Variants in LOXL2 observed in about 807,000 individuals in gnomAD.
LOXL2 encodes lysyl oxidase homolog 2.
In LOXL2, 70 loss-of-function variants were observed where a neutral mutation model predicts 93.0. The ratio of observed to expected loss-of-function variants is 0.75; its 90% CI spans 0.62 to 0.92. The LOEUF is 0.92. Ranked by LOEUF, LOXL2 falls within the 40% of genes least tolerant of loss-of-function variation. The pLI, the probability that LOXL2 is intolerant of heterozygous loss-of-function variation, is 0.00. For missense variants in LOXL2, 973 were observed against 1,054.9 expected (o/e 0.92, Z 1.08); for synonymous variants, 438 against 413.2 (o/e 1.06, Z -0.73).
At position 23,328,479 on chromosome 8, in the gene LOXL2, G is replaced by C; in HGVS notation, c.1053C>G (p.Cys351Trp). The C allele has an allele frequency of 6.2e-7, 1 of 1,614,062 alleles. No homozygotes were observed. The highest frequency in any genetic ancestry group is 1.7e-5 in the Admixed American group (1 of 60,018). Residue 351 changes from cysteine (C) to tryptophan (W), a missense_variant, in exon 6 of 14, where the codon TGC becomes TGG. Transcript: ENST00000389131. ...VLKNGEWGTV[C>W]DDKWDLVSAS... ...CCGACACCAGGTCCCACTTGTCGTC[G>C]CAGACGGTCCCCCATTCTCCATTTT...
At chr8:23,359,532 C>T (rs886332903) in intron 3 of LOXL2, among the ~76,000 whole-genome samples, 13 of 152,250 alleles carry the variant, frequency 8.5e-5, no homozygotes, top group Admixed American at 7.9e-4. Flanking sequence ...TAAGAGCCTG[C>T]GTGGGAGGGG....
chr8:23,354,291 GCAGA>G (rs917053306), intron 3 of LOXL2, among the ~76,000 whole-genome samples: 3 of 152,206 alleles, frequency 2.0e-5, no homozygotes, highest in Non-Finnish European at 4.4e-5. Flanking sequence ...CCACAACCTT[GCAGA>G]CAGAGTAGGC....
chr8:23,317,016 G>C lies in LOXL2; in HGVS notation c.1569C>G (p.His523Gln). The change falls in exon 9 of 14, where the codon CAC becomes CAG. Residue 523 changes from histidine to glutamine, a missense_variant. Transcript: ENST00000389131. ...GGGGGCAGGCCACGTCCTCCCCGTCGTGGCGGCAGTGCGCCAGGGACAGCT... is the reference window on the plus strand; with the variant it reads ...GGGGGCAGGCCACGTCCTCCCCGTCCTGGCGGCAGTGCGCCAGGGACAGCT... ...GTELSLAHCR[H>Q]DGEDVACPQG... The C allele has an allele frequency of 5.0e-6, 8 of 1,614,086 alleles. No individual in the cohort carries two copies. The highest frequency in any genetic ancestry group is 6.8e-6 in the Non-Finnish European group (8 of 1,180,006).
At chr8:23,400,855 C>T (rs930925573) in intron 1 of LOXL2, among the ~76,000 whole-genome samples, 1 of 152,124 alleles carries the variant, frequency 6.6e-6, no homozygotes, top group East Asian at 1.9e-4. Context: ...GCTCTGAGCC[C>T]TTACAGTTTT....
chr8:23,301,715 T>C (rs1307330634), intron 12 of LOXL2, among the ~76,000 whole-genome samples: 5 of 152,134 alleles, frequency 3.3e-5, no homozygotes, highest in Admixed American at 3.3e-4. Context: ...TGCCTGAGCA[T>C]GTATGGAATA....
At chr8:23,355,436 C>A (rs1804178935) in intron 3 of LOXL2, among the ~76,000 whole-genome samples, 1 of 151,402 alleles carries the variant, frequency 6.6e-6, no homozygotes, top group Non-Finnish European at 1.5e-5. Context: ...GAACTGAACC[C>A]TGCAGTCAGC....
intron 3 of LOXL2, among the ~76,000 whole-genome samples, chr8:23,342,730 C>CT (rs968524510): frequency 7.3e-5 from 11 of 151,716 alleles, no homozygotes; most frequent in African/African-American, 2.7e-4. Context: ...CGTGCCCGGC[C>CT]TTTTTTTTCT....
At chr8:23,372,442 C>T (rs1804511484) in intron 1 of LOXL2, among the ~76,000 whole-genome samples, 1 of 151,892 alleles carries the variant, frequency 6.6e-6, no homozygotes, top group South Asian at 2.1e-4. Flanking sequence ...GGTCTCAAAC[C>T]CCTGACCTCA....
intron 10 of LOXL2, 108 bp downstream of exon 10, chr8:23,309,560 C>G (rs1254200375): frequency 8.1e-7 from 1 of 1,240,776 alleles, no homozygotes; most frequent in Non-Finnish European, 1.0e-6. Context: ...ATCCCCAGGC[C>G]ATGCAGCCTC....
chr8:23,376,871 T>C (rs1488479918), intron 1 of LOXL2, among the ~76,000 whole-genome samples: 1 of 152,220 alleles, frequency 6.6e-6, no homozygotes, highest in Non-Finnish European at 1.5e-5. Context: ...TCAATTTTGT[T>C]GATCTTTTCA....
intron 10 of LOXL2, among the ~76,000 whole-genome samples, chr8:23,308,126 A>G (rs1265712333): frequency 6.6e-6 from 1 of 152,158 alleles, no homozygotes; most frequent in Non-Finnish European, 1.5e-5. Flanking sequence ...GTCCTTTTCT[A>G]GGAGAACGAA....
At chr8:23,362,602 C>T (rs926037585) in intron 2 of LOXL2, among the ~76,000 whole-genome samples, 1 of 152,004 alleles carries the variant, frequency 6.6e-6, no homozygotes, top group East Asian at 1.9e-4. Flanking sequence ...GGCATGGTGG[C>T]GCACGCCTGT....
intron 4 of LOXL2, among the ~76,000 whole-genome samples, chr8:23,338,789 C>T (rs374562272): frequency 2.0e-5 from 3 of 152,208 alleles, no homozygotes; most frequent in East Asian, 3.9e-4. Context: ...ATCCCTAGTC[C>T]CAGGCCAGTC....
intron 3 of LOXL2, among the ~76,000 whole-genome samples, chr8:23,354,945 A>G (rs1277564530): frequency 1.8e-5 from 1 of 54,978 alleles, no homozygotes; most frequent in African/African-American, 1.1e-4. Context: ...ATATATATAT[A>G]TATATTTTTT....
At position 23,341,094 on chromosome 8, in the gene LOXL2, C is replaced by T. The variant is rs755012116; in HGVS notation, c.641G>A (p.Trp214Ter). The part of the protein sequence containing the change: ...GYVEVKEGKT[W>*]KQICDKHWTA... Reference sequence around the variant, plus strand: ...CCAGTGCTTGTCACAGATCTGCTTCCAGGTCTTGCCCTCCTTCACCTCCAC... The same window carrying T: ...CCAGTGCTTGTCACAGATCTGCTTCTAGGTCTTGCCCTCCTTCACCTCCAC... Residue 214 changes from tryptophan to a stop codon, truncating the protein, a stop_gained, in exon 4 of 14, where the codon TGG becomes TAG. Coordinates refer to ENST00000389131, the MANE Select transcript of LOXL2 (RefSeq NM_002318.3). LOFTEE classifies it high-confidence loss of function. The T allele has an allele frequency of 1.9e-6, 3 of 1,614,000 alleles. No individual in the cohort carries two copies. The highest frequency in any genetic ancestry group is 2.5e-6 in the Non-Finnish European group (3 of 1,180,042).
At chr8:23,383,662 T>G (rs1454082535) in intron 1 of LOXL2, among the ~76,000 whole-genome samples, 3 of 95,970 alleles carry the variant, frequency 3.1e-5, no homozygotes, top group East Asian at 2.7e-4. Context: ...TTTTTGTTTT[T>G]TTTTTTTTTT....
chr8:23,385,303 G>C (rs868334591), intron 1 of LOXL2, among the ~76,000 whole-genome samples: 6 of 149,424 alleles, frequency 4.0e-5, no homozygotes, highest in Middle Eastern at 3.4e-3. Context: ...CTGGAGTGCA[G>C]TGGTGTGATC....
At position 23,403,050 on chromosome 8, in the gene LOXL2, T is replaced by A. The variant is rs937340488; in HGVS notation, c.-84+904A>T. 2.6e-5 allele frequency among the ~76,000 whole-genome samples: 4 copies of A among 152,082 alleles called. No individual in the cohort carries two copies. The South Asian group carries it at 6.2e-4, about 24-fold the overall frequency. On this transcript the variant is annotated intron_variant, in intron 1 of 13. Transcript: ENST00000389131. ...GAGGGAACCTCGCTTGTTCTCCCAATCATCTCTATTCCAGCGCTGATTCCT... is the reference window on the plus strand; with the variant it reads ...GAGGGAACCTCGCTTGTTCTCCCAAACATCTCTATTCCAGCGCTGATTCCT...
At chr8:23,364,572 ACGCCTGTAATC>A (rs138859400) in intron 2 of LOXL2, 2,124 of 152,380 alleles carry the variant, frequency 0.014, 20 homozygotes, top group Middle Eastern at 0.031. Flanking sequence ...GCAGTGGGTC[ACGCCTGTAATC>A]CTAGCACTGT....
Sources: gnomAD v4.1 joint callset for allele counts (sites outside exome capture counted in the v4.1 genomes callset) on GRCh38, gnomAD v4.1.1 for gene constraint, MANE v1.5 for transcripts, NCBI Gene and HGNC (gene_info 2026-07-23, HGNC 2026-07-21) for gene names.